REXO4: variants seen among roughly 807,000 people sequenced by gnomAD.
REXO4 encodes the protein RNA exonuclease 4.
Under a neutral mutation model 39.9 loss-of-function variants are expected in REXO4, and 29 were observed. That is an observed-to-expected ratio of 0.73 (90% CI 0.54 to 0.99). REXO4 has a LOEUF of 0.99. Ranked by LOEUF, REXO4 falls within the 50% of genes least tolerant of loss-of-function variation. The pLI, the probability that REXO4 is intolerant of heterozygous loss-of-function variation, is 0.00. For synonymous variants in REXO4, 184 were observed against 206.2 expected (o/e 0.89, Z 0.92); for missense variants, 524 against 546.5 (o/e 0.96, Z 0.41).
intron 2 of REXO4, 101 bp from the exon 3 acceptor site, chr9:133,413,022 A>G: frequency 7.7e-7 from 1 of 1,294,496 alleles, no homozygotes; most frequent in Non-Finnish European, 1.1e-6. Context: ...GCGATGGCAC[A>G]GCCTGCCTCT....
At chr9:133,415,147 A>C in intron 1 of REXO4, 136 bp from the exon 2 acceptor site, 1 of 702,854 alleles carries the variant, frequency 1.4e-6, no homozygotes, top group Middle Eastern at 2.6e-4. Context: ...GCATCACTGA[A>C]ATTCATTTTC....
chr9:133,409,187 G>GAA, intron 5 of REXO4, among the ~76,000 whole-genome samples: 1 of 151,948 alleles, frequency 6.6e-6, no homozygotes, highest in East Asian at 1.9e-4. Context: ...GGCTGGTCTC[G>GAA]AACTCCTGAC....
At chr9:133,416,359 A>G (rs138357706) in intron 1 of REXO4, among the ~76,000 whole-genome samples, 430 of 152,192 alleles carry the variant, frequency 2.8e-3, no homozygotes, top group Non-Finnish European at 4.8e-3. Flanking sequence ...TGGGGATCAC[A>G]TTTCTTTTTT....
upstream of REXO4, chr9:133,418,158 A>G (rs1839792228): frequency 9.8e-6 from 4 of 408,366 alleles, no homozygotes; most frequent in South Asian, 1.3e-4. Flanking sequence ...ATCCGGGGTC[A>G]TCGACCTCGA....
intron 5 of REXO4, among the ~76,000 whole-genome samples, chr9:133,409,642 G>C (rs1280174844): frequency 6.6e-6 from 1 of 152,130 alleles, no homozygotes; most frequent in Non-Finnish European, 1.5e-5. Flanking sequence ...GCTCACTGCA[G>C]CCTTAACCTC....
intron 5 of REXO4, among the ~76,000 whole-genome samples, 157 bp downstream of exon 5, chr9:133,410,828 G>T (rs1380545670): frequency 6.6e-6 from 1 of 152,206 alleles, no homozygotes; most frequent in East Asian, 1.9e-4. Flanking sequence ...CTAAAACACA[G>T]TAAGAACTCA....
In REXO4 at chr9:133,417,808, G is replaced by C. The variant is rs782570302; in HGVS notation, c.37C>G (p.Pro13Ala). ...KAKVPASKRA[P>A]SSPVAKPGPV... Reference sequence around the variant, plus strand: ...CCCGGCTTAGCCACGGGGCTGCTCGGGGCGCGCTTGGAGGCGGGGACCTTC... The same window carrying C: ...CCCGGCTTAGCCACGGGGCTGCTCGCGGCGCGCTTGGAGGCGGGGACCTTC... Residue 13 changes from proline (P) to alanine (A), a missense_variant, in exon 1 of 8, where the codon CCG (proline) becomes GCG (alanine). Transcript: ENST00000371942. 7 of 1,605,956 alleles carry C rather than the reference G, an allele frequency of 4.4e-6. No homozygotes were observed. In the Admixed American group the frequency reaches 1.2e-4, roughly 27 times the overall value.
chr9:133,413,732 G>A (rs999972866), intron 2 of REXO4, among the ~76,000 whole-genome samples: 3 of 152,134 alleles, frequency 2.0e-5, no homozygotes, highest in African/African-American at 7.2e-5. Flanking sequence ...GAATGGACAC[G>A]TCCCTCTTGT....
At chr9:133,417,037 G>C (rs1554781731) in intron 1 of REXO4, among the ~76,000 whole-genome samples, 12 of 152,182 alleles carry the variant, frequency 7.9e-5, no homozygotes. Context: ...TTGAGATGGA[G>C]TCTCGCTCTG....
At chr9:133,411,793 G>A (rs587688099) in intron 4 of REXO4, among the ~76,000 whole-genome samples, 1 of 152,024 alleles carries the variant, frequency 6.6e-6, no homozygotes, top group South Asian at 2.1e-4. Context: ...GGGTGTGGTG[G>A]CATATGCCTG....
chr9:133,408,188 T>C (rs28478220), intron 6 of REXO4, among the ~76,000 whole-genome samples: 16,002 of 152,070 alleles, frequency 0.11, 1,060 homozygotes, highest in African/African-American at 0.18. Context: ...GGCATGGTGG[T>C]TCACACCTGT....
At chr9:133,409,797 A>T (rs1332289739) in intron 5 of REXO4, among the ~76,000 whole-genome samples, 1 of 152,180 alleles carries the variant, frequency 6.6e-6, no homozygotes, top group African/African-American at 2.4e-5. Context: ...TCCCGGCCTC[A>T]AGCAATCCTC....
chr9:133,411,137 G>C, intron 4 of REXO4, 64 bp from the exon 5 acceptor site: 1 of 1,351,192 alleles, frequency 7.4e-7, no homozygotes. Flanking sequence ...TCTGTGAGGA[G>C]GCAGCCCCGC....
At chr9:133,409,918 G>A (rs1369094505) in intron 5 of REXO4, among the ~76,000 whole-genome samples, 1 of 152,186 alleles carries the variant, frequency 6.6e-6, no homozygotes, top group Non-Finnish European at 1.5e-5. Flanking sequence ...TGCCAGGGAT[G>A]GAGTCAGAGT....
Position 133,414,846 on chromosome 9 carries a change from AGCC to A in REXO4, c.388_390del (p.Gly130del). The A allele has an allele frequency of 6.2e-7, 1 of 1,614,108 alleles. No homozygotes were observed. Among genetic ancestry groups the A allele is most frequent in the Non-Finnish European group, 8.5e-7 (1 of 1,180,030 alleles). On this transcript the variant is annotated inframe_deletion, in exon 2 of 8. Coordinates refer to ENST00000371942, the MANE Select transcript of REXO4 (RefSeq NM_020385.4). ...TCCATCTTGGAACCTGAAGGAACAG[AGCC>A]CCTGCTGGCCTCCTGGTCTTTTCCT...
intron 3 of REXO4, 130 bp from the exon 4 acceptor site, chr9:133,412,622 C>T (rs781921946): frequency 2.6e-5 from 36 of 1,392,616 alleles, no homozygotes; most frequent in African/African-American, 7.1e-5. Context: ...TTTGCACCCA[C>T]GTGACAAGCT....
Position 133,417,895 on chromosome 9 carries a change from C to G in REXO4, c.-51G>C, listed in dbSNP as rs782039373. On this transcript the variant is annotated 5_prime_UTR_variant, in exon 1 of 8. Transcript: ENST00000371942. ...GGCGGCCACCCGAGACCCCGGCCTC[C>G]CCGGGCCCGGCGCCCTGGCAGCACA... The G allele has an allele frequency of 8.4e-6, 13 of 1,542,478 alleles. No individual in the cohort carries two copies. The South Asian group carries it at 1.5e-4, about 18-fold the overall frequency.
In REXO4 at chr9:133,406,681, A is replaced by G. The variant is rs998720563; in HGVS notation, c.*272T>C. ...CCAACCTCACCTGGCCCAGGGGGTC[A>G]GCAGTCGGTAAAGCGTGGCCAGGCG... On this transcript the variant is annotated 3_prime_UTR_variant, in exon 8 of 8. Coordinates refer to ENST00000371942, the MANE Select transcript of REXO4 (RefSeq NM_020385.4). 11 of 477,036 alleles carry G rather than the reference A, an allele frequency of 2.3e-5. No individual in the cohort carries two copies. The Admixed American group carries it at 3.0e-4, about 13-fold the overall frequency. The allele number at this position is 477,036 out of a possible 1,614,324, so 29.6% of individuals were successfully genotyped here.
Position 133,414,730 on chromosome 9 carries a change from T to C in REXO4, c.507A>G (p.Pro169=), listed in dbSNP as rs1839461251. The change falls in exon 2 of 8, where the codon CCA becomes CCG. Residue 169 remains proline, a synonymous_variant. Transcript: ENST00000371942. ...TCTTATGCTCGATGTCCCCTCGTTC[T>C]GGAACAATATCACCATTTGTCCTTT... ...TKERTNGDIV[P]ERGDIEHKKR... is the part of the protein sequence containing the mutation. The C allele has an allele frequency of 6.2e-7, 1 of 1,614,208 alleles. No individual in the cohort carries two copies. Among genetic ancestry groups the C allele is most frequent in the Non-Finnish European group, 8.5e-7 (1 of 1,180,038 alleles).
Sources: gnomAD v4.1 joint callset for allele counts (sites outside exome capture counted in the v4.1 genomes callset) on GRCh38, gnomAD v4.1.1 for gene constraint, MANE v1.5 for transcripts, NCBI Gene and HGNC (gene_info 2026-07-23, HGNC 2026-07-21) for gene names.